The following ABI1 variants were observed in gnomAD, a reference collection of about 807,000 sequenced individuals.
ABI1 encodes the protein abl interactor 1, also known as Abelson interactor 1.
Under a neutral mutation model 54.6 loss-of-function variants are expected in ABI1, and 14 were observed. That is an observed-to-expected ratio of 0.26 (90% confidence interval 0.17 to 0.40). The LOEUF (loss-of-function observed/expected upper bound fraction) is 0.40, where lower values mean the gene tolerates loss of function less well. Among genes scored for constraint, ABI1 ranks in the 10% least tolerant of loss-of-function variants. The pLI, the probability that ABI1 is intolerant of heterozygous loss-of-function variation, is 1.00. For missense variants in ABI1, 443 were observed against 598.3 expected (o/e 0.74, Z 2.71); for synonymous variants, 194 against 209.3 (o/e 0.93, Z 0.63).
chr10:26,759,044 T>G lies in ABI1; in HGVS notation c.997+18A>C, dbSNP rs372000857. The G allele has an allele frequency of 6.2e-6, 10 of 1,609,402 alleles. No homozygotes were observed. In the African/African-American group the frequency reaches 1.2e-4, roughly 19 times the overall value. ...AGGAGCTCCACTGTTGCTGTATGCC[T>G]GCAAAGCACAAGCTTACTTGAATTT... On this transcript the variant is annotated intron_variant, in intron 8 of 10. Coordinates refer to ENST00000376140, the MANE Select transcript of ABI1 (RefSeq NM_001012750.3).
chr10:26,835,730 C>A (rs986988657), intron 1 of ABI1, among the ~76,000 whole-genome samples: 3 of 151,184 alleles, frequency 2.0e-5, no homozygotes, highest in African/African-American at 7.3e-5. Context: ...CTGTATCCAA[C>A]TTTTTCAACA....
chr10:26,833,821 C>A (rs1454284457), intron 1 of ABI1, among the ~76,000 whole-genome samples: 1 of 151,482 alleles, frequency 6.6e-6, no homozygotes, highest in Non-Finnish European at 1.5e-5. Context: ...ACCCAAAAGA[C>A]ATAAATGGCC....
At position 26,765,916 on chromosome 10, in the gene ABI1, G is replaced by A. The variant is rs1163349893; in HGVS notation, c.720-598C>T. On this transcript the variant is annotated intron_variant, in intron 6 of 10. Transcript: ENST00000376140. ...TCACCAACAAAATCTTATAGTACGA[G>A]TCAACAATTGTTTATTCAAAACCTG... is the stretch of plus-strand genomic sequence containing the variant. Among the ~76,000 whole-genome samples, 3 of 152,174 alleles carry A rather than the reference G, an allele frequency of 2.0e-5. No homozygotes were observed. In the East Asian group the frequency reaches 5.8e-4, roughly 29 times the overall value.
intron 1 of ABI1, among the ~76,000 whole-genome samples, chr10:26,837,094 AG>A (rs1157869551): frequency 6.6e-6 from 1 of 152,226 alleles, no homozygotes; most frequent in East Asian, 1.9e-4. Flanking sequence ...CTTTCCCACA[AG>A]GCAATTATAT....
chr10:26,837,976 C>T (rs2049211832), intron 1 of ABI1, among the ~76,000 whole-genome samples: 1 of 151,840 alleles, frequency 6.6e-6, no homozygotes, highest in African/African-American at 2.4e-5. Flanking sequence ...CAGATGAAGG[C>T]ACTAATGAAA....
At chr10:26,816,873 T>C (rs921904228) in intron 2 of ABI1, among the ~76,000 whole-genome samples, 3 of 152,136 alleles carry the variant, frequency 2.0e-5, no homozygotes, top group Non-Finnish European at 2.9e-5. Context: ...CCATGCAAAA[T>C]AATCACTGCC....
chr10:26,746,831 T>C lies in ABI1; in HGVS notation c.*1739A>G, dbSNP rs1435384429. 8.0e-6 allele frequency: 3 copies of C among 373,464 alleles called. No homozygotes were observed. Among genetic ancestry groups the C allele is most frequent in the East Asian group, 9.5e-5 (2 of 21,124 alleles). 23.1% of individuals were successfully genotyped at this position (373,464 alleles called of 1,614,324 possible). On this transcript the variant is annotated 3_prime_UTR_variant, in exon 11 of 11. Coordinates refer to ENST00000376140, the MANE Select transcript of ABI1 (RefSeq NM_001012750.3). ...TCTTGATTTACCGTAGGAGTAAAGG[T>C]CAGAAAAATGTGAAGTCTGCATTGA...
Position 26,808,645 on chromosome 10 carries a change from C to T in ABI1, c.285+14493G>A, listed in dbSNP as rs1376405741. Among the ~76,000 whole-genome samples, 4 of 151,842 alleles carry T rather than the reference C, an allele frequency of 2.6e-5. No individual in the cohort carries two copies. The South Asian group carries it at 6.2e-4, about 24-fold the overall frequency. On this transcript the variant is annotated intron_variant, in intron 2 of 10. Transcript: ENST00000376140. Reference sequence around the variant, plus strand: ...GGCTGAGGCAGGAGAATCGCTTGAACGCAGGAGGCAGAGGTTGCAGTGAGC... The same window carrying T: ...GGCTGAGGCAGGAGAATCGCTTGAATGCAGGAGGCAGAGGTTGCAGTGAGC...
At chr10:26,856,614 G>A (rs570937212) in intron 1 of ABI1, among the ~76,000 whole-genome samples, 1 of 152,272 alleles carries the variant, frequency 6.6e-6, no homozygotes, top group South Asian at 2.1e-4. Context: ...GCAAGCTGAA[G>A]TGAGTAGCTC....
At chr10:26,760,287 G>A (rs999331146) in intron 7 of ABI1, among the ~76,000 whole-genome samples, 2 of 151,908 alleles carry the variant, frequency 1.3e-5, no homozygotes, top group African/African-American at 4.8e-5. Flanking sequence ...TATTTTCCTT[G>A]CCCCATCTAA....
intron 1 of ABI1, among the ~76,000 whole-genome samples, chr10:26,835,917 C>T (rs529411213): frequency 6.6e-5 from 10 of 151,206 alleles, no homozygotes; most frequent in Non-Finnish European, 1.5e-4. Context: ...GTCTGGCTAA[C>T]TTTTTTTGCA....
intron 1 of ABI1, among the ~76,000 whole-genome samples, chr10:26,854,793 C>A (rs896861149): frequency 6.6e-6 from 1 of 152,158 alleles, no homozygotes; most frequent in Non-Finnish European, 1.5e-5. Flanking sequence ...TCACATCTAC[C>A]CAGAATATTT....
In ABI1 at chr10:26,777,099, T is replaced by A; in HGVS notation, c.428A>T (p.Tyr143Phe). 1 of 1,612,744 alleles carries A rather than the reference T, an allele frequency of 6.2e-7. No homozygotes were observed. Among genetic ancestry groups the A allele is most frequent in the Non-Finnish European group, 8.5e-7 (1 of 1,179,638 alleles). ...PVRYIRKPID[Y>F]TVLDDVGHGV... ...ATGGCCCACATCATCCAGAACTGTG[T>A]AATCGATAGGTTTCCGAATATACCT... The change falls in exon 3 of 11, where the codon TAC (tyrosine) becomes TTC (phenylalanine). Residue 143 changes from tyrosine (Y) to phenylalanine (F), a missense_variant. Physicochemically the swap from Tyr to Phe is conservative, Grantham distance 22 (BLOSUM62 3). Around this residue, in one of 2 missense-constraint regions of ABI1, gnomAD observed 394 missense variants for 484.8 expected, o/e 0.81. Transcript: ENST00000376140.
intron 7 of ABI1, 118 bp from the exon 8 acceptor site, chr10:26,759,356 C>A: frequency 1.4e-6 from 1 of 717,212 alleles, no homozygotes; most frequent in Non-Finnish European, 2.0e-6. Context: ...TTTTCAAGAC[C>A]AAGGCACAAA....
At chr10:26,832,126 C>T (rs1247194680) in intron 1 of ABI1, among the ~76,000 whole-genome samples, 1 of 152,138 alleles carries the variant, frequency 6.6e-6, no homozygotes, top group African/African-American at 2.4e-5. Flanking sequence ...CAAACAATGA[C>T]AAATATGCCA....
chr10:26,785,473 G>A (rs989908127), intron 2 of ABI1, among the ~76,000 whole-genome samples: 1 of 152,172 alleles, frequency 6.6e-6, no homozygotes, highest in African/African-American at 2.4e-5. Flanking sequence ...TGTAATCCCA[G>A]CACTTTGGGA....
intron 2 of ABI1, among the ~76,000 whole-genome samples, chr10:26,785,524 C>A (rs1323692677): frequency 2.0e-5 from 3 of 152,096 alleles, no homozygotes; most frequent in African/African-American, 4.8e-5. Flanking sequence ...GAGTTAGAGA[C>A]CAGCCTGGCC....
At chr10:26,856,624 C>T (rs192870285) in intron 1 of ABI1, among the ~76,000 whole-genome samples, 3 of 152,206 alleles carry the variant, frequency 2.0e-5, no homozygotes, top group Non-Finnish European at 4.4e-5. Flanking sequence ...GTGAGTAGCT[C>T]ACAGTAACAT....
chr10:26,836,619 A>G (rs1372344827), intron 1 of ABI1, among the ~76,000 whole-genome samples: 1 of 152,132 alleles, frequency 6.6e-6, no homozygotes, highest in Non-Finnish European at 1.5e-5. Flanking sequence ...GCCGCGTAAC[A>G]TTTCTGTTGC....
Sources: gnomAD v4.1 joint callset for allele counts (sites outside exome capture counted in the v4.1 genomes callset) on GRCh38, gnomAD v4.1.1 for gene constraint, gnomAD v4.1.1 regional missense constraint, MANE v1.5 for transcripts, NCBI Gene and HGNC (gene_info 2026-07-23, HGNC 2026-07-21) for gene names.